Variants in SAP130 observed in about 807,000 individuals in gnomAD.
SAP130 encodes histone deacetylase complex subunit SAP130.
SAP130 carries 16 observed loss-of-function variants against 103.2 expected under a neutral mutation model. The observed-to-expected ratio is 0.16, with a 90% confidence interval of 0.10 to 0.24. SAP130 has a LOEUF of 0.24. Ranked by LOEUF, SAP130 falls within the 10% of genes least tolerant of loss-of-function variation. The probability of loss-of-function intolerance (pLI) is 1.00; values close to 1 mark genes in which losing one functional copy is unlikely to be tolerated. For synonymous variants in SAP130, 477 were observed against 497.0 expected (o/e 0.96, Z 0.53); for missense variants, 990 against 1,359.7 (o/e 0.73, Z 4.28).
chr2:127,946,475 T>C (rs1358297502), intron 18 of SAP130, among the ~76,000 whole-genome samples: 1 of 152,238 alleles, frequency 6.6e-6, no homozygotes, highest in Admixed American at 6.5e-5. Context: ...AAATTTTCTA[T>C]ATTGATTGAT....
At chr2:128,008,321 C>T (rs886555103) in intron 7 of SAP130, among the ~76,000 whole-genome samples, 1 of 152,174 alleles carries the variant, frequency 6.6e-6, no homozygotes, top group African/African-American at 2.4e-5. Flanking sequence ...TTAAGATCAT[C>T]CCTCATCAAC....
At chr2:127,981,271 G>C (rs1241495475) in intron 14 of SAP130, among the ~76,000 whole-genome samples, 4 of 151,444 alleles carry the variant, frequency 2.6e-5, no homozygotes, top group African/African-American at 9.7e-5. Flanking sequence ...AAAGACACCT[G>C]TACCCGACTC....
At chr2:127,991,602 G>A (rs1682813608) in intron 12 of SAP130, among the ~76,000 whole-genome samples, 1 of 152,028 alleles carries the variant, frequency 6.6e-6, no homozygotes. Flanking sequence ...AAAGTGCTAG[G>A]GTTATAGGCA....
chr2:127,957,727 G>A (rs1416284370), intron 15 of SAP130, among the ~76,000 whole-genome samples: 1 of 151,604 alleles, frequency 6.6e-6, no homozygotes, highest in Non-Finnish European at 1.5e-5. Context: ...ACATATGTTT[G>A]ATTACTATTA....
In SAP130 at chr2:127,978,003, C is replaced by G; in HGVS notation, c.2045G>C (p.Gly682Ala). ...TGCTCACCCTGCAGGCCTAGGTGAC[C>G]CAGACGTACTCCGCATAGAGCTTTC... ...RVESSMRSTS[G>A]SPRPAGAKPK... The change falls in exon 15 of 21, where the codon GGG becomes GCG. Residue 682 changes from glycine (G) to alanine (A), a missense_variant. Transcript: ENST00000643581. 6.4e-7 allele frequency: 1 copy of G among 1,551,922 alleles called. No homozygotes were observed. The highest frequency in any genetic ancestry group is 8.7e-7 in the Non-Finnish European group (1 of 1,146,956).
chr2:128,022,915 C>T (rs902638316), intron 2 of SAP130, among the ~76,000 whole-genome samples: 11 of 151,996 alleles, frequency 7.2e-5, no homozygotes, highest in African/African-American at 1.2e-4. Context: ...CTGCAACCTC[C>T]GCTTCCCAGG....
intron 7 of SAP130, among the ~76,000 whole-genome samples, chr2:128,007,100 G>T (rs1043340604): frequency 6.6e-6 from 1 of 152,132 alleles, no homozygotes; most frequent in Non-Finnish European, 1.5e-5. Context: ...TTGACAAAAC[G>T]ATTAAAAATA....
intron 15 of SAP130, among the ~76,000 whole-genome samples, chr2:127,956,471 G>A (rs1328016134): frequency 2.0e-5 from 3 of 150,794 alleles, no homozygotes; most frequent in Middle Eastern, 3.4e-3. Context: ...GCAGTCTTCC[G>A]CATGTTCTCA....
At chr2:127,964,083 T>C (rs1680461646) in intron 15 of SAP130, among the ~76,000 whole-genome samples, 1 of 152,222 alleles carries the variant, frequency 6.6e-6, no homozygotes. Context: ...TGTAGTCCCC[T>C]ACTCAGGAGC....
intron 7 of SAP130, 26 bp from the exon 8 acceptor site, chr2:128,000,480 C>T (rs1683478758): frequency 2.5e-6 from 4 of 1,613,102 alleles, no homozygotes; most frequent in Non-Finnish European, 3.4e-6. Flanking sequence ...AGACACAATG[C>T]AGATGGGCAA....
intron 18 of SAP130, among the ~76,000 whole-genome samples, chr2:127,947,956 AT>A (rs1186081311): frequency 7.8e-6 from 1 of 127,990 alleles, no homozygotes; most frequent in Non-Finnish European, 1.7e-5. Context: ...TGCCTGGCTA[AT>A]TTTTATATTT....
intron 2 of SAP130, among the ~76,000 whole-genome samples, chr2:128,020,989 C>T (rs1559107874): frequency 6.7e-6 from 1 of 149,784 alleles, no homozygotes; most frequent in East Asian, 1.9e-4. Flanking sequence ...GACTCTGTCT[C>T]AAAAAAAAAG....
Position 128,027,962 on chromosome 2 carries a change from GCCGCGCCGCCTTGAGCTCGCTC to G in SAP130, c.-51_-30del, listed in dbSNP as rs1048728658. 3.8e-5 allele frequency: 37 copies of G among 985,284 alleles called. No individual in the cohort carries two copies. Among genetic ancestry groups the G allele is most frequent in the Admixed American group, 6.1e-5 (1 of 16,266 alleles). The allele number at this position is 985,284 out of a possible 1,614,324, so 61.0% of individuals were successfully genotyped here. The stretch of plus-strand genomic sequence containing the variant: ...TACCTGGGTGCTGCGCCCAGTGGCC[GCCGCGCCGCCTTGAGCTCGCTC>G]CCGCGCGCTCTCCGTCTGTGGGGCC... On this transcript the variant is annotated 5_prime_UTR_variant, in exon 1 of 21. Transcript: ENST00000643581.
chr2:127,950,434 A>G, intron 16 of SAP130, 26 bp from the exon 17 acceptor site: 4 of 1,611,524 alleles, frequency 2.5e-6, no homozygotes, highest in Non-Finnish European at 3.4e-6. Context: ...GAGCACACAT[A>G]TCTGTAAGAA....
intron 18 of SAP130, among the ~76,000 whole-genome samples, chr2:127,948,765 A>T (rs1679299031): frequency 6.6e-6 from 1 of 152,170 alleles, no homozygotes; most frequent in African/African-American, 2.4e-5. Flanking sequence ...GTTAGTATGA[A>T]TATATTGAAA....
At chr2:127,959,139 G>T (rs1453924415) in intron 15 of SAP130, among the ~76,000 whole-genome samples, 2 of 152,120 alleles carry the variant, frequency 1.3e-5, no homozygotes, top group Non-Finnish European at 2.9e-5. Flanking sequence ...AGGAGAAAAA[G>T]GCACATTGTC....
At chr2:127,964,153 C>A (rs761897602) in intron 15 of SAP130, among the ~76,000 whole-genome samples, 1 of 152,090 alleles carries the variant, frequency 6.6e-6, no homozygotes, top group African/African-American at 2.4e-5. Flanking sequence ...TGTTTCACAC[C>A]CATTGCACTC....
chr2:127,968,505 G>A (rs1680837988), intron 15 of SAP130, among the ~76,000 whole-genome samples: 1 of 149,570 alleles, frequency 6.7e-6, no homozygotes, highest in Non-Finnish European at 1.5e-5. Flanking sequence ...TCCAGCCTGG[G>A]TGACAAGAGC....
Position 128,028,020 on chromosome 2 carries a change from G to T in SAP130, c.-87C>A. 1 of 981,848 alleles carries T rather than the reference G, an allele frequency of 1.0e-6. No homozygotes were observed. The highest frequency in any genetic ancestry group is 1.2e-6 in the Non-Finnish European group (1 of 826,480). The allele number at this position is 981,848 out of a possible 1,614,324, so 60.8% of individuals were successfully genotyped here. A position where few individuals can be genotyped will look rare whatever the true frequency, so the allele number is the denominator to read the frequency against. On this transcript the variant is annotated 5_prime_UTR_variant, in exon 1 of 21. The change creates a new upstream start codon in the 5' untranslated region. Transcript: ENST00000643581. ...TCCGTCTGTGGGGCCGACGTCCCCA[G>T]GCTCCGGACCCGCAGCCACCGCCGG...
Sources: allele counts gnomAD v4.1 joint callset (sites outside exome capture counted in the v4.1 genomes callset), GRCh38; gene constraint gnomAD v4.1.1; transcripts MANE v1.5; gene names NCBI Gene and HGNC (gene_info 2026-07-23, HGNC 2026-07-21).